The following DSCAM variants were observed in gnomAD, a reference collection of about 807,000 sequenced individuals.
DSCAM encodes the protein cell adhesion molecule DSCAM.
Under a neutral mutation model 217.7 loss-of-function variants are expected in DSCAM, and 47 were observed. That is an observed-to-expected ratio of 0.22 (90% CI 0.17 to 0.28). DSCAM has a LOEUF of 0.28. Ranked by LOEUF, DSCAM falls within the 10% of genes least tolerant of loss-of-function variation. DSCAM has a pLI of 1.00. For synonymous variants in DSCAM, 1,056 were observed against 1,015.3 expected, an observed-to-expected ratio of 1.04 and a Z score of -0.76; for missense variants, 2,080 against 2,618.3, an observed-to-expected ratio of 0.79 and a Z score of 4.49.
intron 32 of DSCAM, among the ~76,000 whole-genome samples, chr21:40,027,496 C>CATCA (rs2088415707): frequency 6.9e-6 from 1 of 143,906 alleles, no homozygotes; most frequent in African/African-American, 2.6e-5. Flanking sequence ...CCATTCTCCC[C>CATCA]ATCACTTTCA....
chr21:40,444,786 A>C (rs1224100710), intron 3 of DSCAM, among the ~76,000 whole-genome samples: 1 of 152,182 alleles, frequency 6.6e-6, no homozygotes, highest in Non-Finnish European at 1.5e-5. Flanking sequence ...GACTGTTCAC[A>C]CTGAACAATG....
chr21:40,414,680 T>C (rs1470761318), intron 3 of DSCAM, among the ~76,000 whole-genome samples: 1 of 152,204 alleles, frequency 6.6e-6, no homozygotes, highest in African/African-American at 2.4e-5. Flanking sequence ...AATACATTGA[T>C]CCAGTTAGCT....
intron 16 of DSCAM, among the ~76,000 whole-genome samples, chr21:40,163,613 T>TAAGAG: frequency 6.6e-6 from 1 of 152,094 alleles, no homozygotes; most frequent in African/African-American, 2.4e-5. Flanking sequence ...ATATTCCTCT[T>TAAGAG]GAATATCTTT....
chr21:40,087,230 A>T lies in DSCAM; in HGVS notation c.3908T>A (p.Ile1303Asn), dbSNP rs149261402. The part of the protein sequence containing the change: ...GTVTTPWMKD[I>N]VLPCKAVGDP... ...CCCAACAGCCTTACAAGGCAAGACA[A>T]TGTCTTTCATCCATGGAGTAGTCAC... Residue 1303 changes from isoleucine (I) to asparagine (N), a missense_variant, in exon 22 of 33, where the codon ATT becomes AAT. By Grantham distance (149) the Ile-to-Asn change is moderately radical. This residue lies in a region of DSCAM where 1,144 missense variants were observed against 1,421.1 expected (regional missense o/e 0.81). Coordinates refer to ENST00000400454, the MANE Select transcript of DSCAM (RefSeq NM_001389.5). The T allele has an allele frequency of 6.2e-7, 1 of 1,614,160 alleles. No individual in the cohort carries two copies. The highest frequency in any genetic ancestry group is 2.2e-5 in the East Asian group (1 of 44,880).
chr21:40,180,635 A>G (rs2090788794), intron 14 of DSCAM, among the ~76,000 whole-genome samples: 1 of 152,004 alleles, frequency 6.6e-6, no homozygotes, highest in African/African-American at 2.4e-5. Context: ...GTGCCACAAG[A>G]TGCAGAGACA....
At chr21:40,497,956 C>T (rs1426899485) in intron 3 of DSCAM, among the ~76,000 whole-genome samples, 1 of 152,322 alleles carries the variant, frequency 6.6e-6, no homozygotes, top group South Asian at 2.1e-4. Flanking sequence ...ATATGAAGTA[C>T]TGGATTTCGA....
intron 29 of DSCAM, among the ~76,000 whole-genome samples, chr21:40,055,400 G>T (rs1459218754): frequency 3.9e-5 from 6 of 152,264 alleles, no homozygotes; most frequent in Non-Finnish European, 7.4e-5. Context: ...ATGTGTAGTC[G>T]ATTACAGATG....
chr21:40,281,575 A>G (rs1355181160), intron 10 of DSCAM, among the ~76,000 whole-genome samples: 1 of 152,224 alleles, frequency 6.6e-6, no homozygotes, highest in Non-Finnish European at 1.5e-5. Context: ...ATTTACAATA[A>G]ACTGCCTTAA....
intron 3 of DSCAM, among the ~76,000 whole-genome samples, chr21:40,471,669 G>A (rs758964950): frequency 6.6e-6 from 1 of 152,190 alleles, no homozygotes; most frequent in Non-Finnish European, 1.5e-5. Context: ...TGGCTCCCAA[G>A]TAGCCTGGTT....
intron 1 of DSCAM, among the ~76,000 whole-genome samples, chr21:40,744,008 C>T (rs2091150263): frequency 6.6e-6 from 1 of 152,174 alleles, no homozygotes; most frequent in African/African-American, 2.4e-5. Flanking sequence ...GAGAAACCCA[C>T]TAGGCCATAA....
chr21:40,087,889 C>T (rs1439793667), intron 21 of DSCAM, among the ~76,000 whole-genome samples: 1 of 152,180 alleles, frequency 6.6e-6, no homozygotes, highest in Non-Finnish European at 1.5e-5. Context: ...GCATCTGGTA[C>T]TGGTGCAGCC....
chr21:40,095,898 C>T (rs1040191593), intron 20 of DSCAM, among the ~76,000 whole-genome samples: 2 of 152,128 alleles, frequency 1.3e-5, no homozygotes, highest in Non-Finnish European at 2.9e-5. Flanking sequence ...AAATTAAACT[C>T]AAAATGAAAC....
Position 40,453,040 on chromosome 21 carries a change from TTGTGTGTGTGTGTGTGTGTGTG to T in DSCAM, c.509-83817_509-83796del, listed in dbSNP as rs3069917. ...CTCTGGTTCCTGAATTTTAAAGACT[TTGTGTGTGTGTGTGTGTGTGTG>T]TGTGTGTGTGTGTGTGTGTGTGTGT... is the stretch of plus-strand genomic sequence containing the variant. On this transcript the variant is annotated intron_variant, in intron 3 of 32. Coordinates refer to ENST00000400454, the MANE Select transcript of DSCAM (RefSeq NM_001389.5). 3.5e-3 allele frequency among the ~76,000 whole-genome samples: 477 copies of T among 134,424 alleles called. 6 individuals carry two copies. Among genetic ancestry groups the T allele is most frequent in the African/African-American group, 0.013 (447 of 35,708 alleles). 88.2% of individuals were successfully genotyped at this position (134,424 alleles called of 152,430 possible).
intron 3 of DSCAM, among the ~76,000 whole-genome samples, chr21:40,671,975 A>G (rs2090281638): frequency 6.6e-6 from 1 of 152,184 alleles, no homozygotes; most frequent in South Asian, 2.1e-4. Context: ...AGAGTCCGAA[A>G]TCAAGTTTCC....
intron 3 of DSCAM, among the ~76,000 whole-genome samples, chr21:40,629,154 TTACTC>T (rs2089653350): frequency 6.6e-6 from 1 of 151,948 alleles, no homozygotes; most frequent in Non-Finnish European, 1.5e-5. Flanking sequence ...CTTAGGATGT[TTACTC>T]TACTTCTTGT....
chr21:40,057,927 G>C (rs944723610), intron 28 of DSCAM, among the ~76,000 whole-genome samples: 17 of 144,132 alleles, frequency 1.2e-4, no homozygotes, highest in African/African-American at 4.4e-4. Flanking sequence ...CCAGGCTGGA[G>C]TGCAGTGGCG....
intron 10 of DSCAM, among the ~76,000 whole-genome samples, chr21:40,276,603 A>T (rs949363907): frequency 6.6e-6 from 1 of 152,220 alleles, no homozygotes; most frequent in Non-Finnish European, 1.5e-5. Context: ...ACAGAAGCAG[A>T]CAACTCTCAT....
At chr21:40,559,785 TC>T (rs1471327854) in intron 3 of DSCAM, among the ~76,000 whole-genome samples, 10 of 95,132 alleles carry the variant, frequency 1.1e-4, no homozygotes, top group Non-Finnish European at 1.3e-4. Context: ...AAATTTTCTG[TC>T]TTTTTTTTTT....
At chr21:40,302,084 T>A (rs138358861) in intron 9 of DSCAM, among the ~76,000 whole-genome samples, 32 of 152,348 alleles carry the variant, frequency 2.1e-4, no homozygotes, top group African/African-American at 7.7e-4. Context: ...GGTTTCCTTT[T>A]TTAAAGATGA....
Sources: gnomAD v4.1 joint callset for allele counts (sites outside exome capture counted in the v4.1 genomes callset) on GRCh38, gnomAD v4.1.1 for gene constraint, gnomAD v4.1.1 regional missense constraint, MANE v1.5 for transcripts, NCBI Gene and HGNC (gene_info 2026-07-23, HGNC 2026-07-21) for gene names.